SORCS1: variants seen among roughly 807,000 people sequenced by gnomAD.
SORCS1 encodes the protein sortilin related VPS10 domain containing receptor 1, also known as VPS10 domain-containing receptor SorCS1.
A neutral mutation model predicts 146.1 loss-of-function variants in SORCS1; 60 were observed. That is an observed-to-expected ratio of 0.41 (90% CI 0.33 to 0.51). The LOEUF (loss-of-function observed/expected upper bound fraction) is 0.51, where lower values mean the gene tolerates loss of function less well. SORCS1 is among the 20% of genes least tolerant of loss of function. SORCS1 has a pLI of 0.21. For missense variants in SORCS1, 1,352 were observed against 1,487.6 expected, an observed-to-expected ratio of 0.91 and a Z score of 1.50; for synonymous variants, 637 against 584.0, an observed-to-expected ratio of 1.09 and a Z score of -1.31.
chr10:106,937,428 T>G (rs1265657976), intron 2 of SORCS1, among the ~76,000 whole-genome samples: 2 of 151,878 alleles, frequency 1.3e-5, no homozygotes, highest in Non-Finnish European at 2.9e-5. Flanking sequence ...TCCACCCTTG[T>G]CGGCCTCCCA....
At chr10:106,974,739 G>A (rs1189192878) in intron 1 of SORCS1, among the ~76,000 whole-genome samples, 5 of 152,170 alleles carry the variant, frequency 3.3e-5, no homozygotes, top group Non-Finnish European at 7.3e-5. Context: ...TCAAAAGAAA[G>A]AAGGACCCTG....
intron 23 of SORCS1, among the ~76,000 whole-genome samples, chr10:106,602,737 A>G (rs1037897415): frequency 6.6e-6 from 1 of 152,160 alleles, no homozygotes; most frequent in Non-Finnish European, 1.5e-5. Flanking sequence ...ACTTTTGGTT[A>G]TAGTTCTCCT....
intron 14 of SORCS1, among the ~76,000 whole-genome samples, chr10:106,674,063 T>C (rs1851816155): frequency 6.6e-6 from 1 of 150,382 alleles, no homozygotes; most frequent in African/African-American, 2.5e-5. Flanking sequence ...ACACCTGTAA[T>C]CCCAGTACTT....
rs543939287 is a variant in SORCS1, at chr10:106,870,775, C to A, written c.627-41102G>T. Among the ~76,000 whole-genome samples the A allele has an allele frequency of 2.6e-5, 4 of 152,210 alleles. No individual in the cohort carries two copies. The South Asian group carries it at 8.3e-4, about 32-fold the overall frequency. On this transcript the variant is annotated intron_variant, in intron 2 of 25. Coordinates refer to ENST00000263054, the MANE Select transcript of SORCS1 (RefSeq NM_052918.5). ...GGCAATACCATCCTAGACATAGGAA[C>A]AGGCAAAGATTGCATGACAAAGACA...
At chr10:106,676,685 T>C (rs1256849880) in intron 13 of SORCS1, among the ~76,000 whole-genome samples, 1 of 152,196 alleles carries the variant, frequency 6.6e-6, no homozygotes, top group Non-Finnish European at 1.5e-5. Context: ...ACTGTTCTAG[T>C]AGACCTTGAC....
intron 2 of SORCS1, among the ~76,000 whole-genome samples, chr10:106,926,924 A>G (rs1015399968): frequency 2.0e-5 from 3 of 151,666 alleles, no homozygotes; most frequent in Non-Finnish European, 4.4e-5. Context: ...TGTTGGTTGT[A>G]GTATGAGTTT....
intron 22 of SORCS1, among the ~76,000 whole-genome samples, chr10:106,608,521 T>A (rs1037700572): frequency 6.6e-6 from 1 of 152,184 alleles, no homozygotes; most frequent in Non-Finnish European, 1.5e-5. Context: ...CTTAGCACAA[T>A]CCCAGGTACT....
At chr10:106,709,180 A>T in intron 7 of SORCS1, 43 bp downstream of exon 7, 1 of 1,467,602 alleles carries the variant, frequency 6.8e-7, no homozygotes, top group Non-Finnish European at 9.5e-7. Context: ...AACAAGGAAA[A>T]GAAAGGTTTC....
chr10:106,999,152 G>A lies in SORCS1; in HGVS notation c.559-42572C>T, dbSNP rs907304676. Among the ~76,000 whole-genome samples the A allele has an allele frequency of 5.3e-5, 8 of 152,096 alleles. 1 individual carries two copies. Among genetic ancestry groups the A allele is most frequent in the Admixed American group, 5.2e-4 (8 of 15,260 alleles). On this transcript the variant is annotated intron_variant, in intron 1 of 25. Coordinates refer to ENST00000263054, the MANE Select transcript of SORCS1 (RefSeq NM_052918.5). ...AATTCAGGTTTAATGGAAAAAAACA[G>A]GTAATGCCCAGCACTTCTAACAACT... is the stretch of plus-strand genomic sequence containing the variant.
intron 1 of SORCS1, among the ~76,000 whole-genome samples, chr10:107,106,087 T>C (rs1320684453): frequency 1.3e-5 from 2 of 152,216 alleles, no homozygotes; most frequent in African/African-American, 2.4e-5. Context: ...GAGATGGTTA[T>C]GTCTCTGCTG....
At chr10:106,750,312 T>C in intron 5 of SORCS1, among the ~76,000 whole-genome samples, 1 of 151,944 alleles carries the variant, frequency 6.6e-6, no homozygotes, top group Admixed American at 6.6e-5. Context: ...AAGATAAGGA[T>C]CACAGGAATC....
At chr10:107,164,804 CG>C (rs1250352474), upstream of SORCS1, among the ~76,000 whole-genome samples, 1 of 148,074 alleles carries the variant, frequency 6.8e-6, no homozygotes, top group Non-Finnish European at 1.5e-5. The surrounding 1 kb of genome is among the most constrained non-coding windows in gnomAD (Gnocchi z 6.8). Context: ...GCGGGCGACG[CG>C]GGAGGGAGGG....
chr10:106,895,951 G>GTATATATATATATA (rs57578016), intron 2 of SORCS1, among the ~76,000 whole-genome samples: 2 of 150,852 alleles, frequency 1.3e-5, no homozygotes, highest in African/African-American at 4.9e-5. Flanking sequence ...GTGTGTGTGT[G>GTATATATATATATA]TATATATATA....
intron 1 of SORCS1, among the ~76,000 whole-genome samples, chr10:106,976,333 G>GTTTTTTTTTTTTTTTTTTTTT (rs1554901318): frequency 8.8e-6 from 1 of 113,812 alleles, no homozygotes; most frequent in Non-Finnish European, 1.7e-5. Flanking sequence ...AGGTTTTTTT[G>GTTTTTTTTTTTTTTTTTTTTT]TTTTTTTTTT....
intron 18 of SORCS1, among the ~76,000 whole-genome samples, chr10:106,641,745 G>A (rs974265155): frequency 1.1e-4 from 17 of 151,924 alleles, no homozygotes; most frequent in East Asian, 1.9e-4. Flanking sequence ...GTTTACTGGC[G>A]GATGCCAAAA....
chr10:106,626,879 T>C (rs1418330323), intron 19 of SORCS1, among the ~76,000 whole-genome samples: 1 of 152,236 alleles, frequency 6.6e-6, no homozygotes, highest in Non-Finnish European at 1.5e-5. Flanking sequence ...AGTTCCATTA[T>C]ATGAGGCATG....
chr10:106,964,482 ATTT>A (rs1955403791), intron 1 of SORCS1, among the ~76,000 whole-genome samples: 1 of 150,316 alleles, frequency 6.7e-6, no homozygotes, highest in Non-Finnish European at 1.5e-5. Flanking sequence ...ATTTTATTTT[ATTT>A]TATTTTATTT....
chr10:106,805,939 A>C (rs1033085405), intron 3 of SORCS1, among the ~76,000 whole-genome samples: 2 of 151,252 alleles, frequency 1.3e-5, no homozygotes, highest in African/African-American at 4.9e-5. Flanking sequence ...AGGTGCCTGT[A>C]GTCCCAGCTA....
chr10:106,711,564 A>T (rs1854992431), intron 6 of SORCS1, among the ~76,000 whole-genome samples: 1 of 152,144 alleles, frequency 6.6e-6, no homozygotes, highest in Non-Finnish European at 1.5e-5. Context: ...GGGGTTTCTG[A>T]TAACCTCTCA....
Sources: allele counts gnomAD v4.1 joint callset (sites outside exome capture counted in the v4.1 genomes callset), GRCh38; gene constraint gnomAD v4.1.1; non-coding constraint Gnocchi (gnomAD v3.1); transcripts MANE v1.5; gene names NCBI Gene and HGNC (gene_info 2026-07-23, HGNC 2026-07-21).